Variants in SCN7A observed in about 807,000 individuals in gnomAD.
The protein encoded by SCN7A is sodium channel protein type 7 subunit alpha.
A neutral mutation model predicts 155.2 loss-of-function variants in SCN7A; 138 were observed. The observed-to-expected ratio is 0.89, with a 90% CI of 0.77 to 1.02. The LOEUF is 1.02. Ranked by LOEUF, SCN7A falls within the 50% of genes least tolerant of loss-of-function variation. The probability of loss-of-function intolerance (pLI) is 0.00; values close to 1 mark genes in which losing one functional copy is unlikely to be tolerated. For synonymous variants in SCN7A, 693 were observed against 649.0 expected (o/e 1.07, Z -1.03); for missense variants, 2,058 against 1,986.6 (o/e 1.04, Z -0.68).
intron 17 of SCN7A, among the ~76,000 whole-genome samples, chr2:166,428,472 A>T (rs928109924): frequency 6.6e-6 from 1 of 152,022 alleles, no homozygotes; most frequent in Non-Finnish European, 1.5e-5. Flanking sequence ...ACTATTACGG[A>T]AGTAACATGG....
intron 15 of SCN7A, 59 bp from the exon 16 acceptor site, chr2:166,432,811 G>T (rs2105414715): frequency 7.7e-7 from 1 of 1,294,374 alleles, no homozygotes; most frequent in Non-Finnish European, 1.0e-6. Context: ...TTTAAGTAAT[G>T]AAAAGTTTGT....
intron 3 of SCN7A, among the ~76,000 whole-genome samples, chr2:166,475,123 T>TATATATGTATATATATATATATATAC (rs1702765936): frequency 8.2e-6 from 1 of 121,826 alleles, no homozygotes; most frequent in African/African-American, 2.9e-5. Context: ...TATATATACA[T>TATATATGTATATATATATATATATAC]ATATATATAT....
chr2:166,469,386 T>G (rs1702605389), intron 7 of SCN7A, among the ~76,000 whole-genome samples: 1 of 151,830 alleles, frequency 6.6e-6, no homozygotes, highest in Non-Finnish European at 1.5e-5. Flanking sequence ...CATTTCATCT[T>G]CTGTTGAGAG....
chr2:166,448,914 T>A (rs989290364), intron 11 of SCN7A, among the ~76,000 whole-genome samples: 3 of 152,208 alleles, frequency 2.0e-5, no homozygotes, highest in African/African-American at 7.2e-5. Context: ...TGATAAGTCT[T>A]GAAGAATAAC....
At chr2:166,443,698 A>G in intron 13 of SCN7A, 22 bp from the exon 14 acceptor site, 1 of 1,493,330 alleles carries the variant, frequency 6.7e-7, no homozygotes, top group Non-Finnish European at 9.0e-7. Context: ...CCAAATACAT[A>G]GGTGAGAATA....
At chr2:166,442,560 A>T (rs202132703) in intron 14 of SCN7A, among the ~76,000 whole-genome samples, 1 of 150,472 alleles carries the variant, frequency 6.6e-6, no homozygotes, top group African/African-American at 2.4e-5. Context: ...CTAATTTTTT[A>T]TTTTTTTTTA....
intron 7 of SCN7A, among the ~76,000 whole-genome samples, chr2:166,467,956 T>C (rs1702573223): frequency 6.6e-6 from 1 of 151,924 alleles, no homozygotes; most frequent in African/African-American, 2.4e-5. Context: ...TGTCAATAAA[T>C]TTACTGTGTC....
chr2:166,421,606 T>A (rs1021486303), intron 19 of SCN7A, among the ~76,000 whole-genome samples: 7 of 152,100 alleles, frequency 4.6e-5, no homozygotes, highest in South Asian at 4.1e-4. Flanking sequence ...ATCTTTTTTG[T>A]TTGAAATTAG....
chr2:166,410,191 A>C, intron 24 of SCN7A, 29 bp downstream of exon 24: 1 of 1,449,948 alleles, frequency 6.9e-7, no homozygotes, highest in South Asian at 1.3e-5. Flanking sequence ...CCTCCATTGA[A>C]GTTTCAAAAA....
chr2:166,447,006 G>A (rs1254031356), intron 12 of SCN7A, among the ~76,000 whole-genome samples: 3 of 152,078 alleles, frequency 2.0e-5, no homozygotes, highest in Non-Finnish European at 2.9e-5. Context: ...AAACCTGCAC[G>A]TCCTGCACAT....
chr2:166,447,201 A>G (rs1054893566), intron 12 of SCN7A, among the ~76,000 whole-genome samples: 1 of 152,188 alleles, frequency 6.6e-6, no homozygotes, highest in Non-Finnish European at 1.5e-5. Context: ...AGTTGAGAAC[A>G]TTGTGACTTA....
chr2:166,455,609 G>T (rs1405998985), intron 11 of SCN7A, among the ~76,000 whole-genome samples: 2 of 151,980 alleles, frequency 1.3e-5, no homozygotes, highest in African/African-American at 4.8e-5. Flanking sequence ...ACGCTACCTG[G>T]GTGATGGGAT....
chr2:166,423,503 C>T (rs1240307631), intron 18 of SCN7A, 71 bp from the exon 19 acceptor site: 41 of 1,429,160 alleles, frequency 2.9e-5, no homozygotes, highest in Admixed American at 9.5e-5. Context: ...GACATAAAAG[C>T]GAACAAAATT....
In SCN7A at chr2:166,465,455, C is replaced by G; in HGVS notation, c.941+7G>C. The G allele has an allele frequency of 6.3e-7, 1 of 1,594,910 alleles. No individual in the cohort carries two copies. Among genetic ancestry groups the G allele is most frequent in the Admixed American group, 1.7e-5 (1 of 59,266 alleles). ...TGATTTAATAGAATAAAACTAATAC[C>G]ACCTACCCAGCATCTGTCCTGTTGC... is the stretch of plus-strand genomic sequence containing the variant. On this transcript the variant is annotated splice_region_variant and intron_variant, in intron 9 of 25. Transcript: ENST00000643258.
At chr2:166,475,104 GTATATATATATATATACATA>G (rs1295636585) in intron 3 of SCN7A, among the ~76,000 whole-genome samples, 1 of 86,026 alleles carries the variant, frequency 1.2e-5, no homozygotes, top group Non-Finnish European at 2.7e-5. Context: ...ACATATATAT[GTATATATATATATATACATA>G]TATATATATA....
rs781648599 is a variant in SCN7A, at chr2:166,412,581, CAGAG to C, written c.3551_3554del (p.Pro1184ArgfsTer4). 5.0e-5 allele frequency: 76 copies of C among 1,515,098 alleles called. No individual in the cohort carries two copies. Among genetic ancestry groups the C allele is most frequent in the Non-Finnish European group, 6.3e-5 (71 of 1,134,054 alleles). 93.9% of individuals were successfully genotyped at this position (1,515,098 alleles called of 1,614,324 possible). On this transcript the variant is annotated frameshift_variant, in exon 23 of 26. Transcript: ENST00000643258. LOFTEE classifies it high-confidence loss of function. Reference sequence around the variant, plus strand: ...CAATAATAACAGTAATCAGCATACTCAGAGGGAGAAATACTCCAAATATAATAAA... The same window carrying C: ...CAATAATAACAGTAATCAGCATACTCGGAGAAATACTCCAAATATAATAAA...
At position 166,466,970 on chromosome 2, in the gene SCN7A, G is replaced by A. The variant is rs187179000; in HGVS notation, c.665-983C>T. ...AAATAAAGTCATTCTTGTGACTACAGAAGTGTGATAATCTAGATTAAATAT... is the reference window on the plus strand; with the variant it reads ...AAATAAAGTCATTCTTGTGACTACAAAAGTGTGATAATCTAGATTAAATAT... On this transcript the variant is annotated intron_variant, in intron 7 of 25. Transcript: ENST00000643258. 4.9e-3 allele frequency among the ~76,000 whole-genome samples: 743 copies of A among 152,010 alleles called. 5 individuals carry two copies. The highest frequency in any genetic ancestry group is 0.017 in the African/African-American group (706 of 41,524).
rs570358185 is a variant in SCN7A at position 166,492,709 on chromosome 2, T to A, written c.-128+1259A>T. On this transcript the variant is annotated intron_variant, in intron 1 of 25. Transcript: ENST00000643258. ...GTCAAAGCCCTCTGTATGCTTATAT[T>A]GAATCAGACTTAGAAGGAAAATCAG... Among the ~76,000 whole-genome samples, 7 of 152,322 alleles carry A rather than the reference T, an allele frequency of 4.6e-5. No homozygotes were observed. The South Asian group carries it at 1.5e-3, about 32-fold the overall frequency.
rs575274327 is a variant in SCN7A at position 166,445,279 on chromosome 2, G to A, written c.1388-279C>T. 6.0e-5 allele frequency among the ~76,000 whole-genome samples: 9 copies of A among 150,458 alleles called. No homozygotes were observed. The South Asian group carries it at 1.9e-3, about 32-fold the overall frequency. ...TGCAGTGAGCTGAGATTGTGCCACT[G>A]CACTCCAGCCTGGGCAACAGAGTGA... On this transcript the variant is annotated intron_variant, in intron 12 of 25. Transcript: ENST00000643258.
Sources: allele counts gnomAD v4.1 joint callset (sites outside exome capture counted in the v4.1 genomes callset), GRCh38; gene constraint gnomAD v4.1.1; transcripts MANE v1.5; gene names NCBI Gene and HGNC (gene_info 2026-07-23, HGNC 2026-07-21).